DOCK10: variants seen among roughly 807,000 people sequenced by gnomAD.
The protein encoded by DOCK10 is dedicator of cytokinesis protein 10.
In DOCK10, 145 loss-of-function variants were observed where a neutral mutation model predicts 280.1. The observed-to-expected ratio is 0.52, with a 90% confidence interval of 0.45 to 0.59. The LOEUF is 0.59. Ranked by LOEUF, DOCK10 falls within the 20% of genes least tolerant of loss-of-function variation. DOCK10 has a pLI of 0.00. For synonymous variants in DOCK10, 915 were observed against 942.2 expected (o/e 0.97, Z 0.53); for missense variants, 2,368 against 2,651.7 (o/e 0.89, Z 2.35).
chr2:224,865,565 C>T (rs1170014134), intron 11 of DOCK10, among the ~76,000 whole-genome samples: 3 of 152,108 alleles, frequency 2.0e-5, no homozygotes, highest in African/African-American at 7.2e-5. Context: ...TAAGGCACTC[C>T]TAATACATTA....
intron 22 of DOCK10, 27 bp downstream of exon 22, chr2:224,844,726 G>T: frequency 2.2e-6 from 3 of 1,371,044 alleles, no homozygotes; most frequent in Non-Finnish European, 3.1e-6. Flanking sequence ...TAGAGAAGAT[G>T]CTAGTATTTC....
chr2:224,927,813 A>G (rs1702118903), intron 2 of DOCK10, among the ~76,000 whole-genome samples: 1 of 151,998 alleles, frequency 6.6e-6, no homozygotes. Flanking sequence ...CGAGTAATGA[A>G]TCATGTGTGC....
chr2:224,788,955 GTTATA>G (rs770553411), intron 48 of DOCK10, 104 bp downstream of exon 48: 5 of 673,670 alleles, frequency 7.4e-6, no homozygotes, highest in Non-Finnish European at 1.2e-5. Context: ...GTCTAATTAA[GTTATA>G]TTATAAAATA....
At chr2:224,832,198 C>A (rs72970988) in intron 26 of DOCK10, among the ~76,000 whole-genome samples, 1 of 152,156 alleles carries the variant, frequency 6.6e-6, no homozygotes, top group Non-Finnish European at 1.5e-5. Flanking sequence ...AATTTTGCTA[C>A]GAATACTTAT....
In DOCK10 at chr2:224,773,189, G is replaced by A; in HGVS notation, c.6172C>T (p.Gln2058Ter). The A allele has an allele frequency of 6.2e-7, 1 of 1,613,504 alleles. No individual in the cohort carries two copies. Among genetic ancestry groups the A allele is most frequent in the Non-Finnish European group, 8.5e-7 (1 of 1,179,564 alleles). The change falls in exon 53 of 56, where the codon CAG becomes TAG. Residue 2058 changes from glutamine to a stop codon, truncating the protein, a stop_gained. Transcript: ENST00000258390. LOFTEE classifies it high-confidence loss of function. ...CTGACACTTCCTTGCAGTTTGAGCT[G>A]CAGTCTGATCATGTCCACTTCTTCC... ...TMEEVDMIRLQLKLQGSVSVK... is the reference protein window; with the variant it reads ...TMEEVDMIRL
Position 225,024,322 on chromosome 2 carries a change from T to C in DOCK10, c.123+17930A>G, listed in dbSNP as rs188368753. On this transcript the variant is annotated intron_variant, in intron 1 of 55. Coordinates refer to ENST00000258390, the MANE Select transcript of DOCK10 (RefSeq NM_014689.3). ...TTTCTTGATCTTGGTCATTATATTA[T>C]AGTTGTGTAAGAGAATTTCTTTTAG... Among the ~76,000 whole-genome samples, 185 of 152,344 alleles carry C rather than the reference T, an allele frequency of 1.2e-3. 1 individual carries two copies. Among genetic ancestry groups the C allele is most frequent in the African/African-American group, 4.3e-3 (177 of 41,580 alleles).
chr2:224,898,722 G>A (rs189754525), intron 3 of DOCK10, among the ~76,000 whole-genome samples: 3 of 152,258 alleles, frequency 2.0e-5, no homozygotes, highest in East Asian at 3.9e-4. Context: ...GACTACAGGT[G>A]CCCGCCACCA....
intron 27 of DOCK10, among the ~76,000 whole-genome samples, chr2:224,826,235 T>C (rs978457687): frequency 6.6e-6 from 1 of 151,952 alleles, no homozygotes; most frequent in Non-Finnish European, 1.5e-5. Flanking sequence ...AGCTAACTTT[T>C]GTATTTTTAA....
Position 224,775,114 on chromosome 2 carries a change from A to C in DOCK10, c.5804T>G (p.Val1935Gly). 6.2e-7 allele frequency: 1 copy of C among 1,613,956 alleles called. No individual in the cohort carries two copies. The highest frequency in any genetic ancestry group is 8.5e-7 in the Non-Finnish European group (1 of 1,179,832). ...TTTGGGGTCCAAATCCTTGGGGTTT[A>C]CCTGTGTTAACAGATTATGGGCAAA... ...NVKIIQDSNK[V>G]NPKDLDPKYA... Residue 1935 changes from valine (V) to glycine (G), a missense_variant and splice_region_variant, in exon 52 of 56, where the codon GTA becomes GGA. Around this residue, in one of 2 missense-constraint regions of DOCK10, gnomAD observed 1,159 missense variants for 1,400.8 expected, o/e 0.83. Coordinates refer to ENST00000258390, the MANE Select transcript of DOCK10 (RefSeq NM_014689.3).
intron 13 of DOCK10, among the ~76,000 whole-genome samples, chr2:224,864,194 T>C (rs575309496): frequency 2.6e-5 from 4 of 152,304 alleles, no homozygotes; most frequent in African/African-American, 4.8e-5. Context: ...AGCAAGAAAG[T>C]GTGGCTTTCT....
At chr2:224,922,618 G>T (rs1701824941) in intron 2 of DOCK10, among the ~76,000 whole-genome samples, 1 of 152,090 alleles carries the variant, frequency 6.6e-6, no homozygotes, top group African/African-American at 2.4e-5. Flanking sequence ...TCACTTTCTG[G>T]TTTCTTGTAG....
chr2:224,858,048 A>G (rs923326546), intron 14 of DOCK10, among the ~76,000 whole-genome samples: 3 of 152,230 alleles, frequency 2.0e-5, no homozygotes, highest in African/African-American at 7.2e-5. Context: ...GAGACAGAAT[A>G]AAAATATTAA....
At chr2:225,025,680 G>A (rs1001631903) in intron 1 of DOCK10, among the ~76,000 whole-genome samples, 1 of 152,094 alleles carries the variant, frequency 6.6e-6, no homozygotes, top group Non-Finnish European at 1.5e-5. Context: ...GGACCGAAAT[G>A]CCTGGGCTCT....
chr2:224,850,640 A>G (rs972276545), intron 18 of DOCK10, among the ~76,000 whole-genome samples: 4 of 152,008 alleles, frequency 2.6e-5, no homozygotes, highest in Admixed American at 6.6e-5. Flanking sequence ...CCCCACCCGA[A>G]TCTCATCTTG....
At chr2:224,824,102 A>G (rs1694687976) in intron 27 of DOCK10, among the ~76,000 whole-genome samples, 1 of 152,188 alleles carries the variant, frequency 6.6e-6, no homozygotes, top group Non-Finnish European at 1.5e-5. Context: ...TACAACTAGG[A>G]ATGCCCCCAA....
chr2:224,793,613 A>G (rs1692360755), intron 45 of DOCK10, among the ~76,000 whole-genome samples, 156 bp from the exon 46 acceptor site: 1 of 152,232 alleles, frequency 6.6e-6, no homozygotes, highest in Non-Finnish European at 1.5e-5. Context: ...ATTTCCAAAA[A>G]AATTCACCAT....
chr2:224,876,479 C>T (rs367776818), intron 7 of DOCK10, among the ~76,000 whole-genome samples: 3 of 152,242 alleles, frequency 2.0e-5, no homozygotes, highest in Admixed American at 6.5e-5. Flanking sequence ...CATTTCATCA[C>T]GGGCATGTGC....
At chr2:225,001,655 A>G (rs1270017972) in intron 1 of DOCK10, among the ~76,000 whole-genome samples, 3 of 152,226 alleles carry the variant, frequency 2.0e-5, no homozygotes, top group Non-Finnish European at 4.4e-5. Context: ...GTCTTAGTCC[A>G]TGCAGGCTGC....
At chr2:224,948,564 G>C (rs528307838) in intron 1 of DOCK10, among the ~76,000 whole-genome samples, 38 of 152,304 alleles carry the variant, frequency 2.5e-4, no homozygotes, top group African/African-American at 9.1e-4. Flanking sequence ...GGTGTGATGA[G>C]AGTCTGACTC....
Sources: gnomAD v4.1 joint callset for allele counts (sites outside exome capture counted in the v4.1 genomes callset) on GRCh38, gnomAD v4.1.1 for gene constraint, gnomAD v4.1.1 regional missense constraint, MANE v1.5 for transcripts, NCBI Gene and HGNC (gene_info 2026-07-23, HGNC 2026-07-21) for gene names.